The following BBOF1 variants were observed in gnomAD, a reference collection of about 807,000 sequenced individuals.
The protein encoded by BBOF1 is basal body orientation factor 1, also known as basal body-orientation factor 1.
Under a neutral mutation model 68.0 loss-of-function variants are expected in BBOF1, and 62 were observed. That is an observed-to-expected ratio of 0.91 (90% CI 0.74 to 1.13). The LOEUF (loss-of-function observed/expected upper bound fraction) is 1.13, where lower values mean the gene tolerates loss of function less well. Among genes scored for constraint, BBOF1 ranks in the 50% most tolerant of loss-of-function variants. The pLI, the probability that BBOF1 is intolerant of heterozygous loss-of-function variation, is 0.00. For missense variants in BBOF1, 534 were observed against 600.1 expected, an observed-to-expected ratio of 0.89 and a Z score of 1.15; for synonymous variants, 208 against 198.8, an observed-to-expected ratio of 1.05 and a Z score of -0.39.
At chr14:74,074,217 T>G (rs1304077390) in intron 9 of BBOF1, among the ~76,000 whole-genome samples, 1 of 151,678 alleles carries the variant, frequency 6.6e-6, no homozygotes, top group African/African-American at 2.4e-5. Context: ...ACTCTGACAA[T>G]CCACCTGCCT....
chr14:74,026,922 C>G (rs112220549), intron 2 of BBOF1, among the ~76,000 whole-genome samples: 1 of 147,204 alleles, frequency 6.8e-6, no homozygotes, highest in Non-Finnish European at 1.5e-5. Context: ...GAGACTCCAT[C>G]TCAAAAGGAA....
chr14:74,057,171 C>A lies in BBOF1; in HGVS notation c.1491C>A (p.Ile497=). The A allele has an allele frequency of 6.2e-7, 1 of 1,613,112 alleles. No homozygotes were observed. Among genetic ancestry groups the A allele is most frequent in the East Asian group, 2.2e-5 (1 of 44,846 alleles). Reference sequence around the variant, plus strand: ...ATGAAAGTAAGCTTCAAGATAAAATCTTCATCACCCAGCAAATTGCAATAT... The same window carrying A: ...ATGAAAGTAAGCTTCAAGATAAAATATTCATCACCCAGCAAATTGCAATAT... ...FGDESKLQDK[I]FITQQIAISD... is the part of the protein sequence containing the mutation. The change falls in exon 11 of 12, where the codon ATC becomes ATA. Residue 497 remains isoleucine, a synonymous_variant. Transcript: ENST00000394009.
intron 2 of BBOF1, among the ~76,000 whole-genome samples, chr14:74,025,010 C>T (rs964762011): frequency 2.0e-5 from 3 of 152,004 alleles, no homozygotes; most frequent in African/African-American, 7.3e-5. Context: ...TTGAGTGATC[C>T]GCCCACCTCA....
At chr14:74,057,565 G>A in intron 11 of BBOF1, 1 of 1,329,480 alleles carries the variant, frequency 7.5e-7, no homozygotes, top group South Asian at 1.4e-5. Context: ...GTGACCTTGT[G>A]ACTCTTAGCT....
intron 9 of BBOF1, chr14:74,071,117 C>T: frequency 7.3e-7 from 1 of 1,375,660 alleles, no homozygotes; most frequent in Middle Eastern, 1.8e-4. Flanking sequence ...GTTCCTTATC[C>T]TAAAACATCC....
intron 11 of BBOF1, among the ~76,000 whole-genome samples, chr14:74,063,165 C>T (rs9652370): frequency 0.17 from 25,295 of 151,692 alleles, 2,615 homozygotes; most frequent in East Asian, 0.57. Context: ...ACCTGTTGGC[C>T]GATGTGGCAA....
chr14:74,074,657 AT>A, intron 9 of BBOF1, among the ~76,000 whole-genome samples: 1 of 152,238 alleles, frequency 6.6e-6, no homozygotes. Context: ...AATAGTCCTT[AT>A]TTATTAGATT....
chr14:74,035,979 C>T (rs1370737795), intron 4 of BBOF1, among the ~76,000 whole-genome samples: 5 of 152,044 alleles, frequency 3.3e-5, no homozygotes, highest in Non-Finnish European at 5.9e-5. Context: ...TGTCAAAGAA[C>T]TTATAGACAC....
At chr14:74,041,558 CTTGT>C (rs2059824987) in intron 5 of BBOF1, among the ~76,000 whole-genome samples, 1 of 151,964 alleles carries the variant, frequency 6.6e-6, no homozygotes, top group Non-Finnish European at 1.5e-5. Context: ...TGTTTGATTG[CTTGT>C]TTATTTGAGA....
intron 8 of BBOF1, among the ~76,000 whole-genome samples, chr14:74,052,895 G>A (rs1247358175): frequency 6.7e-6 from 1 of 149,578 alleles, no homozygotes; most frequent in African/African-American, 2.5e-5. Flanking sequence ...ATCTACTCGG[G>A]AGGCTGAGGT....
chr14:74,022,826 A>AT (rs2140941375), intron 1 of BBOF1, 90 bp from the exon 2 acceptor site: 1 of 530,222 alleles, frequency 1.9e-6, no homozygotes, highest in African/African-American at 2.0e-5. Context: ...AAAGAGAAAA[A>AT]TTTAATAGTA....
chr14:74,050,232 A>AT, intron 8 of BBOF1, 37 bp downstream of exon 8: 1 of 1,508,246 alleles, frequency 6.6e-7, no homozygotes. Context: ...TTTTGCTGCT[A>AT]TTTTTGTGTC....
intron 11 of BBOF1, chr14:74,057,484 C>T: frequency 2.1e-6 from 3 of 1,422,056 alleles, no homozygotes; most frequent in Non-Finnish European, 2.8e-6. Flanking sequence ...TGTGTAGAAA[C>T]CTATAGGTTG....
chr14:74,030,921 C>CATATAT (rs71460943), intron 3 of BBOF1, among the ~76,000 whole-genome samples: 7 of 147,336 alleles, frequency 4.8e-5, no homozygotes, highest in Non-Finnish European at 7.5e-5. Flanking sequence ...AAGTCATAAA[C>CATATAT]ATATATATAT....
intron 3 of BBOF1, 104 bp downstream of exon 3, chr14:74,029,353 G>C (rs1194950079): frequency 1.5e-6 from 1 of 689,226 alleles, no homozygotes; most frequent in East Asian, 2.9e-5. Flanking sequence ...AGTTCTCTGG[G>C]CAGGCTAATG....
At position 74,034,054 on chromosome 14, in the gene BBOF1, T is replaced by C; in HGVS notation, c.378T>C (p.Asn126=). The C allele has an allele frequency of 6.3e-7, 1 of 1,599,926 alleles. No homozygotes were observed. ...KLEQKYTRQI[N]ELEGQFHQKA... is the part of the protein sequence containing the mutation. Reference sequence around the variant, plus strand: ...AACAAAAGTATACCAGGCAAATTAATGAACTAGAGGGACAGTTCCATCAAA... The same window carrying C: ...AACAAAAGTATACCAGGCAAATTAACGAACTAGAGGGACAGTTCCATCAAA... Residue 126 remains asparagine (N), a synonymous_variant, in exon 4 of 12, where the codon AAT becomes AAC. Transcript: ENST00000394009.
intron 9 of BBOF1, among the ~76,000 whole-genome samples, chr14:74,073,828 G>A (rs5025651): frequency 0.24 from 36,114 of 148,962 alleles, 4,915 homozygotes; most frequent in South Asian, 0.46. Flanking sequence ...TGAGGCAGGA[G>A]AATCACTTGA....
At chr14:74,038,264 A>G (rs1204015876) in intron 4 of BBOF1, among the ~76,000 whole-genome samples, 1 of 152,226 alleles carries the variant, frequency 6.6e-6, no homozygotes, top group Non-Finnish European at 1.5e-5. Context: ...GAAGGAATAC[A>G]AGTTATGTTT....
At chr14:74,055,803 A>C in intron 9 of BBOF1, 118 bp downstream of exon 9, 1 of 670,992 alleles carries the variant, frequency 1.5e-6, no homozygotes, top group Non-Finnish European at 2.5e-6. Flanking sequence ...ACCAGAAAAT[A>C]TAAAAAGGCC....
Sources: allele counts gnomAD v4.1 joint callset (sites outside exome capture counted in the v4.1 genomes callset), GRCh38; gene constraint gnomAD v4.1.1; transcripts MANE v1.5; gene names NCBI Gene and HGNC (gene_info 2026-07-23, HGNC 2026-07-21).